The following CCDC148 variants were observed in gnomAD, a reference collection of about 807,000 sequenced individuals.
CCDC148 encodes the protein coiled-coil domain containing 148, also known as coiled-coil domain-containing protein 148.
In CCDC148, 89 loss-of-function variants were observed where a neutral mutation model predicts 85.7. That is an observed-to-expected ratio of 1.04 (90% CI 0.87 to 1.24). CCDC148 has a LOEUF of 1.24. Among genes scored for constraint, CCDC148 ranks in the 50% most tolerant of loss-of-function variants. The pLI is 0.00. For synonymous variants in CCDC148, 230 were observed against 213.9 expected (o/e 1.08, Z -0.66); for missense variants, 692 against 671.7 (o/e 1.03, Z -0.33).
intron 1 of CCDC148, among the ~76,000 whole-genome samples, chr2:158,432,009 A>G (rs1004372436): frequency 1.3e-5 from 2 of 152,180 alleles, no homozygotes; most frequent in African/African-American, 4.8e-5. Context: ...TAACAATGGC[A>G]AAGTACAGAA....
intron 1 of CCDC148, among the ~76,000 whole-genome samples, chr2:158,450,088 T>C (rs1244143740): frequency 6.6e-6 from 1 of 152,028 alleles, no homozygotes; most frequent in Admixed American, 6.6e-5. Context: ...GCTGTCCTGA[T>C]CCAACCCCAG....
At chr2:158,293,954 C>CT (rs1471906695) in intron 9 of CCDC148, among the ~76,000 whole-genome samples, 435 of 9,388 alleles carry the variant, frequency 0.046, 98 homozygotes, top group Non-Finnish European at 0.055. Context: ...TCCTTCCCCT[C>CT]TCCCTCCCTC....
chr2:158,308,806 T>C (rs1213540293), intron 9 of CCDC148, among the ~76,000 whole-genome samples: 1 of 152,198 alleles, frequency 6.6e-6, no homozygotes, highest in Non-Finnish European at 1.5e-5. Context: ...TACTTACAGT[T>C]CTGCCACTAA....
At chr2:158,443,571 G>A (rs1198519480) in intron 1 of CCDC148, among the ~76,000 whole-genome samples, 2 of 150,976 alleles carry the variant, frequency 1.3e-5, no homozygotes, top group Non-Finnish European at 2.9e-5. Flanking sequence ...TCAAACATAG[G>A]TTCTGGAAAA....
chr2:158,352,038 A>T (rs1368960048), intron 2 of CCDC148, among the ~76,000 whole-genome samples: 2 of 141,324 alleles, frequency 1.4e-5, no homozygotes, highest in South Asian at 4.7e-4. Context: ...AGGAAAACTA[A>T]CAAACAGAAA....
chr2:158,226,358 C>A (rs140942095), intron 10 of CCDC148, among the ~76,000 whole-genome samples: 22,768 of 152,022 alleles, frequency 0.15, 2,156 homozygotes, highest in Non-Finnish European at 0.21. Flanking sequence ...GGATTCACAG[C>A]CATATTCTAT....
intron 9 of CCDC148, among the ~76,000 whole-genome samples, chr2:158,275,476 T>C (rs1280718267): frequency 6.6e-6 from 1 of 152,224 alleles, no homozygotes; most frequent in Non-Finnish European, 1.5e-5. Flanking sequence ...AATTAGGTTT[T>C]TCCTTTCTCA....
At chr2:158,437,350 C>A (rs1282529175) in intron 1 of CCDC148, among the ~76,000 whole-genome samples, 1 of 152,150 alleles carries the variant, frequency 6.6e-6, no homozygotes, top group Non-Finnish European at 1.5e-5. Flanking sequence ...TGTAATACCT[C>A]ACATAAACAG....
intron 9 of CCDC148, among the ~76,000 whole-genome samples, chr2:158,269,178 C>A (rs1391084004): frequency 2.0e-5 from 3 of 152,120 alleles, no homozygotes; most frequent in Admixed American, 2.0e-4. Flanking sequence ...TACATGCCCA[C>A]CAACAGTGTA....
At chr2:158,443,734 A>C (rs754010271) in intron 1 of CCDC148, among the ~76,000 whole-genome samples, 4 of 152,152 alleles carry the variant, frequency 2.6e-5, no homozygotes, top group Non-Finnish European at 5.9e-5. Context: ...AGGCCCAGGG[A>C]ATATTTCTGC....
chr2:158,287,886 G>A (rs1483319068), intron 9 of CCDC148, among the ~76,000 whole-genome samples: 1 of 152,194 alleles, frequency 6.6e-6, no homozygotes, highest in Non-Finnish European at 1.5e-5. Flanking sequence ...CTTAGCAGAG[G>A]TTCTCCATGA....
chr2:158,338,780 T>C lies in CCDC148; in HGVS notation c.710A>G (p.Gln237Arg). 6.2e-7 allele frequency: 1 copy of C among 1,610,414 alleles called. No individual in the cohort carries two copies. The highest frequency in any genetic ancestry group is 8.5e-7 in the Non-Finnish European group (1 of 1,179,122). The change falls in exon 7 of 14, where the codon CAG (glutamine) becomes CGG (arginine). Residue 237 changes from glutamine (Q) to arginine (R), a missense_variant. Transcript: ENST00000283233. ...SILSEFYKFT[Q>R]KYQKKLQDFN... ...GTCTTGAAGCTTCTTCTGATATTTC[T>C]GTGTAAACTTATAGAACTCACTGAG...
At chr2:158,362,355 T>G (rs556979752) in intron 1 of CCDC148, among the ~76,000 whole-genome samples, 1 of 152,256 alleles carries the variant, frequency 6.6e-6, no homozygotes, top group East Asian at 1.9e-4. Flanking sequence ...CCACCCCAAA[T>G]CAACAGAATA....
intron 7 of CCDC148, 43 bp downstream of exon 7, chr2:158,338,679 AAAGT>A (rs1469747949): frequency 1.4e-6 from 2 of 1,408,108 alleles, no homozygotes; most frequent in Non-Finnish European, 1.9e-6. Flanking sequence ...ACAAAAATAA[AAAGT>A]TAGTGTCAAA....
intron 10 of CCDC148, among the ~76,000 whole-genome samples, chr2:158,239,206 T>C (rs1688242976): frequency 6.6e-6 from 1 of 152,102 alleles, no homozygotes; most frequent in Non-Finnish European, 1.5e-5. Context: ...TGGAGTTAAA[T>C]TCAAGATTCT....
rs540326732 is a variant in CCDC148 at position 158,309,503 on chromosome 2, T to C, written c.1040A>G (p.His347Arg). The change falls in exon 9 of 14, where the codon CAT (histidine) becomes CGT (arginine). Residue 347 changes from histidine to arginine, a missense_variant. Physicochemically the swap from His to Arg is conservative, Grantham distance 29 (BLOSUM62 0). Coordinates refer to ENST00000283233, the MANE Select transcript of CCDC148 (RefSeq NM_138803.4). The stretch of plus-strand genomic sequence containing the variant: ...CTTAGCCAACATGCTCTCCATTTCA[T>C]GTGTTGCACAAGCCTCAGTGAGTGT... ...VLTLTEACATHEMESMLAKDK... is the reference protein window; with the variant it reads ...VLTLTEACATREMESMLAKDK... The C allele has an allele frequency of 6.2e-7, 1 of 1,614,198 alleles. No individual in the cohort carries two copies.
At chr2:158,295,210 G>A (rs7589025) in intron 9 of CCDC148, among the ~76,000 whole-genome samples, 3 of 151,170 alleles carry the variant, frequency 2.0e-5, no homozygotes, top group African/African-American at 7.3e-5. Flanking sequence ...AATAACAGGA[G>A]CTGAAATTGT....
At chr2:158,368,361 G>T (rs1047453275) in intron 1 of CCDC148, among the ~76,000 whole-genome samples, 3 of 151,972 alleles carry the variant, frequency 2.0e-5, no homozygotes, top group Non-Finnish European at 4.4e-5. Context: ...AACATTTCCT[G>T]GTTCCCAAAG....
At chr2:158,418,057 G>A (rs1487042330) in intron 1 of CCDC148, among the ~76,000 whole-genome samples, 1 of 150,266 alleles carries the variant, frequency 6.7e-6, no homozygotes, top group African/African-American at 2.4e-5. Context: ...TAGGTAATAA[G>A]AGAACCATTA....
Sources: allele counts gnomAD v4.1 joint callset (sites outside exome capture counted in the v4.1 genomes callset), GRCh38; gene constraint gnomAD v4.1.1; transcripts MANE v1.5; gene names NCBI Gene and HGNC (gene_info 2026-07-23, HGNC 2026-07-21).